The following TTLL5 variants were observed in gnomAD, a reference collection of about 807,000 sequenced individuals.
TTLL5 encodes tubulin tyrosine ligase like 5, also known as tubulin polyglutamylase TTLL5.
In TTLL5, 132 loss-of-function variants were observed where a neutral mutation model predicts 168.4. The ratio of observed to expected loss-of-function variants is 0.78; its 90% CI spans 0.68 to 0.91. The LOEUF (loss-of-function observed/expected upper bound fraction) is 0.91. TTLL5 is among the 40% of genes least tolerant of loss of function. The pLI is 0.00. For synonymous variants in TTLL5, 546 were observed against 558.6 expected (o/e 0.98, Z 0.32); for missense variants, 1,545 against 1,581.5 (o/e 0.98, Z 0.39).
At chr14:75,940,330 C>T (rs1247350653) in intron 31 of TTLL5, among the ~76,000 whole-genome samples, 2 of 152,056 alleles carry the variant, frequency 1.3e-5, no homozygotes, top group East Asian at 1.9e-4. Flanking sequence ...CCACCCGCCT[C>T]GGCCTCCCAA....
intron 31 of TTLL5, among the ~76,000 whole-genome samples, chr14:75,933,567 G>A (rs1235454029): frequency 6.6e-6 from 1 of 152,220 alleles, no homozygotes; most frequent in Non-Finnish European, 1.5e-5. Context: ...CAGTCAGGCT[G>A]TCAGCTGGGA....
intron 28 of TTLL5, among the ~76,000 whole-genome samples, chr14:75,825,667 G>C (rs1174013982): frequency 2.0e-5 from 3 of 151,886 alleles, no homozygotes; most frequent in Non-Finnish European, 4.4e-5. Flanking sequence ...TACTTTTTGT[G>C]GGGGGGACTA....
intron 23 of TTLL5, among the ~76,000 whole-genome samples, chr14:75,778,192 A>C (rs142063120): frequency 2.0e-5 from 3 of 152,332 alleles, no homozygotes; most frequent in African/African-American, 7.2e-5. Context: ...AGATGTGGAG[A>C]TAAAATGCAT....
At chr14:75,765,305 A>G (rs1030539618) in intron 19 of TTLL5, among the ~76,000 whole-genome samples, 2 of 152,168 alleles carry the variant, frequency 1.3e-5, no homozygotes, top group Non-Finnish European at 2.9e-5. Context: ...TGGTAAATAA[A>G]AAAGATATGG....
intron 31 of TTLL5, among the ~76,000 whole-genome samples, chr14:75,924,988 G>A (rs562797685): frequency 3.4e-5 from 5 of 148,156 alleles, no homozygotes; most frequent in South Asian, 2.2e-4. Flanking sequence ...ACTCCCGGAC[G>A]GGGCGGCAGG....
chr14:75,790,356 T>C (rs1361394300), intron 26 of TTLL5, among the ~76,000 whole-genome samples: 4 of 152,074 alleles, frequency 2.6e-5, no homozygotes, highest in East Asian at 3.9e-4. Flanking sequence ...AGAGGTAGCA[T>C]GTTCAACATC....
chr14:75,733,131 T>A lies in TTLL5; in HGVS notation c.1124+712T>A, dbSNP rs140331363. Among the ~76,000 whole-genome samples, 858 of 152,292 alleles carry A rather than the reference T, an allele frequency of 5.6e-3. 13 individuals carry two copies. The highest frequency in any genetic ancestry group is 0.02 in the African/African-American group (815 of 41,548). ...ATCAAATAAAGACAGATTGACTACT[T>A]TTGGAGTGGGAGTTTGGCTTAACCT... On this transcript the variant is annotated intron_variant, in intron 13 of 31. Transcript: ENST00000298832.
rs933983153 is a variant in TTLL5, at chr14:75,741,814, A to G, written c.1282-3281A>G. On this transcript the variant is annotated intron_variant, in intron 15 of 31. Transcript: ENST00000298832. Reference sequence around the variant, plus strand: ...ACACAGTAGCTAGACCTAGAATTGTAGGCTGTAACAAAGGAGTGGTTGTGA... The same window carrying G: ...ACACAGTAGCTAGACCTAGAATTGTGGGCTGTAACAAAGGAGTGGTTGTGA... Among the ~76,000 whole-genome samples the G allele has an allele frequency of 2.0e-5, 3 of 152,186 alleles. No individual in the cohort carries two copies. In the East Asian group the frequency reaches 5.8e-4, roughly 29 times the overall value.
At chr14:75,940,681 C>G (rs2034573114) in intron 31 of TTLL5, among the ~76,000 whole-genome samples, 1 of 152,142 alleles carries the variant, frequency 6.6e-6, no homozygotes, top group Admixed American at 6.6e-5. Context: ...AGGATACTTA[C>G]TATCTAAATG....
chr14:75,787,668 A>G (rs546186809), intron 26 of TTLL5, among the ~76,000 whole-genome samples: 5 of 152,348 alleles, frequency 3.3e-5, no homozygotes, highest in African/African-American at 1.2e-4. Context: ...TTGATAATAT[A>G]TAGGACCGTG....
intron 31 of TTLL5, among the ~76,000 whole-genome samples, chr14:75,953,799 CTAGAAAAGATGGACATATT>C (rs1199618511): frequency 1.3e-5 from 2 of 151,742 alleles, no homozygotes; most frequent in African/African-American, 4.8e-5. Flanking sequence ...CACTGTGTTT[CTAGAAAAGATGGACATATT>C]TAGCATTTTT....
intron 27 of TTLL5, among the ~76,000 whole-genome samples, chr14:75,795,261 A>C (rs1011994649): frequency 3.3e-5 from 5 of 152,242 alleles, no homozygotes; most frequent in African/African-American, 1.2e-4. Context: ...AAACCTCTAA[A>C]TGCAATATAT....
At position 75,882,688 on chromosome 14, in the gene TTLL5, A is replaced by C; in HGVS notation, c.3526A>C (p.Ile1176Leu). ...TTTTTTCCTTTTTTTTTTGTAGGCA[A>C]TCTTTGGCAGCCAGACACTACCTAA... ...LDQSRARHQA[I>L]FGSQTLPNSN... Residue 1176 changes from isoleucine to leucine, a missense_variant, in exon 30 of 32, where the codon ATC becomes CTC. Physicochemically the swap from Ile to Leu is conservative, Grantham distance 5 (BLOSUM62 2). Coordinates refer to ENST00000298832, the MANE Select transcript of TTLL5 (RefSeq NM_015072.5). 1 of 1,605,468 alleles carries C rather than the reference A, an allele frequency of 6.2e-7. No homozygotes were observed. The highest frequency in any genetic ancestry group is 8.5e-7 in the Non-Finnish European group (1 of 1,176,264).
chr14:75,899,721 T>C (rs957682079), intron 30 of TTLL5, among the ~76,000 whole-genome samples: 3 of 151,990 alleles, frequency 2.0e-5, no homozygotes, highest in Non-Finnish European at 2.9e-5. Context: ...CCAGGGACCA[T>C]AGGGTTAGAG....
intron 31 of TTLL5, among the ~76,000 whole-genome samples, chr14:75,953,739 A>G (rs1324919921): frequency 1.3e-5 from 2 of 152,208 alleles, no homozygotes; most frequent in Admixed American, 1.3e-4. Context: ...GAAAAACTCA[A>G]AAGCATACAT....
chr14:75,811,156 A>AGAGAGT (rs60194482), intron 27 of TTLL5, among the ~76,000 whole-genome samples: 4,711 of 116,588 alleles, frequency 0.04, 155 homozygotes, highest in Middle Eastern at 0.16. Flanking sequence ...TGAAAGAAAG[A>AGAGAGT]GTGTGTGTGT....
chr14:75,832,298 G>A (rs184478108), intron 28 of TTLL5, among the ~76,000 whole-genome samples: 166 of 152,282 alleles, frequency 1.1e-3, no homozygotes, highest in African/African-American at 3.9e-3. Flanking sequence ...TGCTTTCCCT[G>A]CCTTCTTAGT....
intron 5 of TTLL5, among the ~76,000 whole-genome samples, chr14:75,686,958 A>G (rs1885106802): frequency 6.6e-6 from 1 of 152,186 alleles, no homozygotes; most frequent in African/African-American, 2.4e-5. Flanking sequence ...ACTCTGTTGA[A>G]GGTTTTGAAG....
chr14:75,801,335 A>G lies in TTLL5; in HGVS notation c.3171+8235A>G, dbSNP rs564134717. On this transcript the variant is annotated intron_variant, in intron 27 of 31. Coordinates refer to ENST00000298832, the MANE Select transcript of TTLL5 (RefSeq NM_015072.5). ...AAGCCAGCAGTGGCAGACCTCACCC[A>G]TTTCCCACGCAGCCAACAAGGCCAA... Among the ~76,000 whole-genome samples, 3 of 152,190 alleles carry G rather than the reference A, an allele frequency of 2.0e-5. No individual in the cohort carries two copies. In the East Asian group the frequency reaches 5.8e-4, roughly 29 times the overall value.
Sources: allele counts gnomAD v4.1 joint callset (sites outside exome capture counted in the v4.1 genomes callset), GRCh38; gene constraint gnomAD v4.1.1; transcripts MANE v1.5; gene names NCBI Gene and HGNC (gene_info 2026-07-23, HGNC 2026-07-21).